MASP2: variants seen among roughly 807,000 people sequenced by gnomAD.
The protein encoded by MASP2 is MBL associated serine protease 2, also known as mannan-binding lectin serine protease 2.
Under a neutral mutation model 57.1 loss-of-function variants are expected in MASP2, and 49 were observed. The observed-to-expected ratio is 0.86, with a 90% CI of 0.68 to 1.09. MASP2 has a LOEUF of 1.09. MASP2 is among the 50% of genes least tolerant of loss of function. The pLI, the probability that MASP2 is intolerant of heterozygous loss-of-function variation, is 0.00. For synonymous variants in MASP2, 379 were observed against 340.8 expected (o/e 1.11, Z -1.24); for missense variants, 900 against 874.8 (o/e 1.03, Z -0.36).
At chr1:11,045,206 C>T in intron 4 of MASP2, 3 of 823,326 alleles carry the variant, frequency 3.6e-6, no homozygotes, top group Non-Finnish European at 2.0e-6. Context: ...TAGTCTCAGT[C>T]GCTAGGGCAG....
intron 8 of MASP2, among the ~76,000 whole-genome samples, chr1:11,034,352 TA>T (rs1357786145): frequency 7.2e-6 from 1 of 139,812 alleles, no homozygotes; most frequent in African/African-American, 2.7e-5. Flanking sequence ...GAGAGATGAG[TA>T]AAAAGAAGCA....
intron 8 of MASP2, among the ~76,000 whole-genome samples, chr1:11,033,973 T>A (rs1005452582): frequency 8.6e-4 from 123 of 142,596 alleles, no homozygotes; most frequent in African/African-American, 3.1e-3. Context: ...ACACTCTCTC[T>A]CTCTCTCTCT....
At chr1:11,042,167 G>A (rs1014632025) in intron 6 of MASP2, among the ~76,000 whole-genome samples, 1 of 151,666 alleles carries the variant, frequency 6.6e-6, no homozygotes, top group African/African-American at 2.4e-5. Context: ...AGGATGGATG[G>A]ATGGATGGAC....
chr1:11,029,225 C>A (rs572929569), intron 10 of MASP2, among the ~76,000 whole-genome samples: 1 of 151,496 alleles, frequency 6.6e-6, no homozygotes, highest in South Asian at 2.1e-4. Context: ...TGGTCTCGAT[C>A]TCCTGACCTC....
At chr1:11,037,303 G>A (rs1348804020) in intron 7 of MASP2, among the ~76,000 whole-genome samples, 1 of 152,110 alleles carries the variant, frequency 6.6e-6, no homozygotes, top group East Asian at 1.9e-4. Context: ...TGGCCAGGCT[G>A]GTCTTGAACT....
At chr1:11,039,821 T>C (rs1403391415) in intron 6 of MASP2, among the ~76,000 whole-genome samples, 1 of 144,592 alleles carries the variant, frequency 6.9e-6, no homozygotes, top group Non-Finnish European at 1.5e-5. Flanking sequence ...GATAGAAGGA[T>C]GGGTGGATGC....
At position 11,026,669 on chromosome 1, in the gene MASP2, A is replaced by C; in HGVS notation, c.*216T>G. 2.6e-6 allele frequency: 1 copy of C among 384,210 alleles called. No homozygotes were observed. Among genetic ancestry groups the C allele is most frequent in the Non-Finnish European group, 4.6e-6 (1 of 217,428 alleles). The allele number at this position is 384,210 out of a possible 1,614,324, so 23.8% of individuals were successfully genotyped here. On this transcript the variant is annotated 3_prime_UTR_variant, in exon 11 of 11. Coordinates refer to ENST00000400897, the MANE Select transcript of MASP2 (RefSeq NM_006610.4). The stretch of plus-strand genomic sequence containing the variant: ...CACTGGGTGGGCAAAGATGACTGTC[A>C]CTCTCGTGGTTTATGTCCCCTTGAG...
chr1:11,034,844 T>TG lies in MASP2; in HGVS notation c.1070dup (p.Met358AsnfsTer8). On this transcript the variant is annotated frameshift_variant, in exon 8 of 11. Coordinates refer to ENST00000400897, the MANE Select transcript of MASP2 (RefSeq NM_006610.4). LOFTEE classifies it high-confidence loss of function. ...CGACCGTACTGCTGCACGCGGGCAT[T>TG]GGCCGGTCCCAAGATCCATCTTTCT... 6.2e-7 allele frequency: 1 copy of TG among 1,612,652 alleles called. No homozygotes were observed. The highest frequency in any genetic ancestry group is 2.2e-5 in the East Asian group (1 of 44,784).
chr1:11,039,325 G>A (rs915449447), intron 6 of MASP2, among the ~76,000 whole-genome samples: 1 of 150,284 alleles, frequency 6.7e-6, no homozygotes, highest in African/African-American at 2.5e-5. Flanking sequence ...GTGGATGGAA[G>A]GATGGTGGAT....
rs148831269 is a variant in MASP2 at position 11,046,726 on chromosome 1, G to C, written c.242C>G (p.Ser81Trp). The change falls in exon 3 of 11, where the codon TCG (serine) becomes TGG (tryptophan). Residue 81 changes from serine (S) to tryptophan (W), a missense_variant. Ser to Trp is a radical substitution (Grantham distance 177, BLOSUM62 -3). Coordinates refer to ENST00000400897, the MANE Select transcript of MASP2 (RefSeq NM_006610.4). ...LCEYDFVKLS[S>W]GAKVLATLCG... ...CAGCGTGGCCAGCACCTTGGCCCCC[G>C]AGCTCAGCTGTGGGGTCAGGTGTCA... 6.8e-6 allele frequency: 11 copies of C among 1,612,008 alleles called. No individual in the cohort carries two copies. The highest frequency in any genetic ancestry group is 8.5e-6 in the Non-Finnish European group (10 of 1,179,478).
intron 10 of MASP2, among the ~76,000 whole-genome samples, chr1:11,028,447 T>C (rs1056108414): frequency 6.6e-6 from 1 of 152,228 alleles, no homozygotes; most frequent in Admixed American, 6.5e-5. Flanking sequence ...GAAATTAGAA[T>C]GTTGCAGTTG....
intron 8 of MASP2, among the ~76,000 whole-genome samples, chr1:11,032,245 C>T (rs1643858143): frequency 6.6e-6 from 1 of 152,136 alleles, no homozygotes; most frequent in African/African-American, 2.4e-5. Context: ...AATTGCCCCC[C>T]TTTTCTACAT....
chr1:11,035,126 G>A (rs1392839808), intron 7 of MASP2, among the ~76,000 whole-genome samples: 1 of 152,064 alleles, frequency 6.6e-6, no homozygotes, highest in Admixed American at 6.5e-5. Context: ...TGCCACCTAG[G>A]TTACGTATTT....
At chr1:11,043,153 C>T (rs562821289) in intron 5 of MASP2, 131 bp from the exon 6 acceptor site, 3 of 1,058,810 alleles carry the variant, frequency 2.8e-6, no homozygotes, top group Non-Finnish European at 2.8e-6. Flanking sequence ...TTGGGGTGCC[C>T]CTCCCCACTC....
Position 11,034,910 on chromosome 1 carries a change from A to G in MASP2, c.1009-4T>C. On this transcript the variant is annotated splice_polypyrimidine_tract_variant and splice_region_variant and intron_variant, in intron 7 of 10. Transcript: ENST00000400897. ...AGGATTTCAGGGGCAAGTGACCCTA[A>G]AGAAGAATTCAGAATATATTAATTT... 1.2e-6 allele frequency: 2 copies of G among 1,602,720 alleles called. No individual in the cohort carries two copies. Among genetic ancestry groups the G allele is most frequent in the Admixed American group, 3.4e-5 (2 of 59,114 alleles).
Position 11,046,701 on chromosome 1 carries a change from C to A in MASP2, c.267G>T (p.Leu89=). The A allele has an allele frequency of 6.2e-7, 1 of 1,613,322 alleles. No individual in the cohort carries two copies. The highest frequency in any genetic ancestry group is 8.5e-7 in the Non-Finnish European group (1 of 1,179,974). The part of the protein sequence containing the change: ...LSSGAKVLAT[L]CGQESTDTER... Reference sequence around the variant, plus strand: ...CCGTGTCTGTGCTCTCCTGCCCGCACAGCGTGGCCAGCACCTTGGCCCCCG... The same window carrying A: ...CCGTGTCTGTGCTCTCCTGCCCGCAAAGCGTGGCCAGCACCTTGGCCCCCG... Residue 89 remains leucine (L), a synonymous_variant, in exon 3 of 11, where the codon CTG becomes CTT. Transcript: ENST00000400897.
At chr1:11,031,228 TAAGA>T (rs1461987001) in intron 8 of MASP2, among the ~76,000 whole-genome samples, 2 of 150,286 alleles carry the variant, frequency 1.3e-5, no homozygotes, top group Non-Finnish European at 3.0e-5. Context: ...ATGTCAAATA[TAAGA>T]AAGATCTGCG....
In MASP2 at chr1:11,030,892, A is replaced by C. The variant is rs1433631309; in HGVS notation, c.1088-10T>G. ...GGGCCACAGTCAACAACTAAGAAAGAAGCATGGGAGGGAGGAATCCATTGA... is the reference window on the plus strand; with the variant it reads ...GGGCCACAGTCAACAACTAAGAAAGCAGCATGGGAGGGAGGAATCCATTGA... On this transcript the variant is annotated splice_polypyrimidine_tract_variant and intron_variant, in intron 8 of 10. Transcript: ENST00000400897. 7 of 1,610,868 alleles carry C rather than the reference A, an allele frequency of 4.3e-6. No homozygotes were observed. In the Admixed American group the frequency reaches 1.0e-4, roughly 23 times the overall value.
intron 10 of MASP2, among the ~76,000 whole-genome samples, chr1:11,028,115 G>C (rs1643771371): frequency 6.6e-6 from 1 of 152,046 alleles, no homozygotes; most frequent in African/African-American, 2.4e-5. Context: ...CCAGCCACTT[G>C]GGAGGCTGAG....
Sources: allele counts gnomAD v4.1 joint callset (sites outside exome capture counted in the v4.1 genomes callset), GRCh38; gene constraint gnomAD v4.1.1; transcripts MANE v1.5; gene names NCBI Gene and HGNC (gene_info 2026-07-23, HGNC 2026-07-21).